PRKN: variants seen among roughly 807,000 people sequenced by gnomAD.
PRKN encodes the protein E3 ubiquitin-protein ligase parkin.
In PRKN, 56 loss-of-function variants were observed where a neutral mutation model predicts 59.5. That is an observed-to-expected ratio of 0.94 (90% CI 0.76 to 1.18). PRKN has a LOEUF of 1.18. PRKN is among the 50% of genes most tolerant of loss of function. The probability of loss-of-function intolerance (pLI) is 0.00; values close to 1 mark genes in which losing one functional copy is unlikely to be tolerated. For synonymous variants in PRKN, 250 were observed against 222.1 expected (o/e 1.13, Z -1.12); for missense variants, 657 against 596.4 (o/e 1.10, Z -1.06).
At chr6:161,951,744 C>T (rs1287920699) in intron 6 of PRKN, among the ~76,000 whole-genome samples, 5 of 151,842 alleles carry the variant, frequency 3.3e-5, no homozygotes, top group Non-Finnish European at 5.9e-5. Context: ...GGTAAAACCC[C>T]GCCTCTACTA....
chr6:162,452,256 C>T (rs1053088666), intron 1 of PRKN, among the ~76,000 whole-genome samples: 1 of 152,088 alleles, frequency 6.6e-6, no homozygotes, highest in Non-Finnish European at 1.5e-5. Flanking sequence ...ATCAAATAAA[C>T]TCTTCAGGCT....
chr6:161,570,144 A>ATATATAT (rs57977814), intron 7 of PRKN, among the ~76,000 whole-genome samples: 45 of 121,764 alleles, frequency 3.7e-4, no homozygotes, highest in African/African-American at 1.6e-3. Context: ...AAAAAAAAAA[A>ATATATAT]AAATATATAT....
intron 6 of PRKN, among the ~76,000 whole-genome samples, chr6:161,851,100 G>A (rs1793414968): frequency 6.6e-6 from 1 of 152,102 alleles, no homozygotes; most frequent in South Asian, 2.1e-4. Flanking sequence ...ACAATGTTGA[G>A]AGATGGGACC....
At chr6:162,621,775 C>T (rs1014570405) in intron 1 of PRKN, among the ~76,000 whole-genome samples, 1 of 151,952 alleles carries the variant, frequency 6.6e-6, no homozygotes, top group Non-Finnish European at 1.5e-5. Context: ...ATTTCCTTAT[C>T]TTTCTGTTTT....
intron 1 of PRKN, among the ~76,000 whole-genome samples, chr6:162,719,924 A>G (rs1050482919): frequency 2.6e-5 from 4 of 151,912 alleles, no homozygotes; most frequent in African/African-American, 9.7e-5. Context: ...AAAAAACTAA[A>G]GGTTGACCTC....
chr6:161,475,560 G>A lies in PRKN; in HGVS notation c.1083+73294C>T, dbSNP rs1162622321. ...GCTCTGTGGCCCAGGCTGGAGTGCC[G>A]CGGTGCAATACAACTTGCCGCAGTC... On this transcript the variant is annotated intron_variant, in intron 9 of 11. Transcript: ENST00000366898. This position sits in a 1 kb window ranked among gnomAD's most constrained non-coding sequence, Gnocchi z 5.3. Among the ~76,000 whole-genome samples the A allele has an allele frequency of 6.6e-6, 1 of 152,096 alleles. No homozygotes were observed. Among genetic ancestry groups the A allele is most frequent in the Non-Finnish European group, 1.5e-5 (1 of 68,014 alleles).
intron 1 of PRKN, among the ~76,000 whole-genome samples, chr6:162,460,878 G>T (rs1004550706): frequency 6.6e-6 from 1 of 152,068 alleles, no homozygotes; most frequent in Non-Finnish European, 1.5e-5. Context: ...GTATGAAAAA[G>T]GTAGACTTAT....
At chr6:162,715,109 CT>C (rs1456186503) in intron 1 of PRKN, among the ~76,000 whole-genome samples, 1 of 152,172 alleles carries the variant, frequency 6.6e-6, no homozygotes, top group Non-Finnish European at 1.5e-5. Context: ...GTTACTTCCC[CT>C]ATTTGTTAAT....
intron 6 of PRKN, among the ~76,000 whole-genome samples, chr6:161,841,468 G>A (rs2128220709): frequency 6.6e-6 from 1 of 151,972 alleles, no homozygotes; most frequent in East Asian, 1.9e-4. Flanking sequence ...TTGTGCCTCA[G>A]CCTCCTGAGT....
intron 9 of PRKN, among the ~76,000 whole-genome samples, chr6:161,523,272 T>C (rs1312134560): frequency 6.6e-6 from 1 of 152,216 alleles, no homozygotes; most frequent in Non-Finnish European, 1.5e-5. Context: ...AACTAAATTT[T>C]TATAAAACGT....
At chr6:161,366,911 GT>G (rs1186017038) in intron 10 of PRKN, among the ~76,000 whole-genome samples, 1 of 125,206 alleles carries the variant, frequency 8.0e-6, no homozygotes, top group Non-Finnish European at 1.8e-5. Flanking sequence ...TCGCTTTTTT[GT>G]TTTTTTTCTT....
In PRKN at chr6:161,459,171, T is replaced by C. The variant is rs1204722180; in HGVS notation, c.1084-72294A>G. On this transcript the variant is annotated intron_variant, in intron 9 of 11. Coordinates refer to ENST00000366898, the MANE Select transcript of PRKN (RefSeq NM_004562.3). The surrounding 1 kb of genome is among the most constrained non-coding windows in gnomAD (Gnocchi z 4.8). ...TAGCACCTGCCCTCAGTGATCACCATTTTTCAGGTAAGACTTGTTCTCCAG... is the reference window on the plus strand; with the variant it reads ...TAGCACCTGCCCTCAGTGATCACCACTTTTCAGGTAAGACTTGTTCTCCAG... Among the ~76,000 whole-genome samples the C allele has an allele frequency of 2.6e-5, 4 of 152,136 alleles. No homozygotes were observed. Among genetic ancestry groups the C allele is most frequent in the Non-Finnish European group, 5.9e-5 (4 of 68,022 alleles).
At chr6:161,890,058 T>G (rs554928729) in intron 6 of PRKN, among the ~76,000 whole-genome samples, 4 of 152,178 alleles carry the variant, frequency 2.6e-5, no homozygotes, top group Non-Finnish European at 4.4e-5. Context: ...ACAGGTCTCG[T>G]ATCAGCTCTC....
At chr6:162,230,828 T>C (rs1245299668) in intron 3 of PRKN, among the ~76,000 whole-genome samples, 1 of 152,214 alleles carries the variant, frequency 6.6e-6, no homozygotes, top group African/African-American at 2.4e-5. Flanking sequence ...CCATGGCTCT[T>C]TAAAGCAGTA....
intron 1 of PRKN, among the ~76,000 whole-genome samples, chr6:162,673,609 C>A (rs1779418684): frequency 1.3e-5 from 2 of 152,194 alleles, no homozygotes. Flanking sequence ...TGATCTCCAA[C>A]TCCTGAGTTC....
intron 6 of PRKN, among the ~76,000 whole-genome samples, chr6:161,791,973 G>A (rs911246849): frequency 1.3e-5 from 2 of 152,202 alleles, no homozygotes; most frequent in African/African-American, 2.4e-5. Context: ...TTGCTCTGAG[G>A]AAAGCGAGCA....
At chr6:162,184,219 A>G (rs937535329) in intron 4 of PRKN, among the ~76,000 whole-genome samples, 3 of 152,224 alleles carry the variant, frequency 2.0e-5, no homozygotes, top group Non-Finnish European at 4.4e-5. Flanking sequence ...CCAATATTCA[A>G]TAAGCAAAAA....
intron 6 of PRKN, among the ~76,000 whole-genome samples, chr6:161,913,940 C>T (rs530263637): frequency 3.9e-5 from 6 of 152,308 alleles, no homozygotes; most frequent in Middle Eastern, 3.4e-3. Context: ...CAATAAACCA[C>T]GAAGAGAGCC....
intron 6 of PRKN, among the ~76,000 whole-genome samples, chr6:161,911,335 AT>A (rs1583334998): frequency 6.6e-6 from 1 of 152,168 alleles, no homozygotes; most frequent in East Asian, 1.9e-4. Flanking sequence ...AGCCCACCAA[AT>A]ATAATACAGA....
Sources: gnomAD v4.1 joint callset for allele counts (sites outside exome capture counted in the v4.1 genomes callset) on GRCh38, gnomAD v4.1.1 for gene constraint, Gnocchi (gnomAD v3.1) non-coding constraint, MANE v1.5 for transcripts, NCBI Gene and HGNC (gene_info 2026-07-23, HGNC 2026-07-21) for gene names.